The following ZNF385D variants were observed in gnomAD, a reference collection of about 807,000 sequenced individuals.
ZNF385D encodes zinc finger protein 659.
In ZNF385D, 15 loss-of-function variants were observed where a neutral mutation model predicts 35.8. That is an observed-to-expected ratio of 0.42 (90% CI 0.28 to 0.64). The LOEUF is 0.64. Ranked by LOEUF, ZNF385D falls within the 30% of genes least tolerant of loss-of-function variation. The pLI is 0.23. For missense variants in ZNF385D, 474 were observed against 494.6 expected (o/e 0.96, Z 0.39); for synonymous variants, 212 against 186.8 (o/e 1.13, Z -1.10).
At chr3:21,531,649 A>G (rs1230086982) in intron 3 of ZNF385D, among the ~76,000 whole-genome samples, 2 of 152,212 alleles carry the variant, frequency 1.3e-5, no homozygotes, top group East Asian at 3.9e-4. Flanking sequence ...CAATCTGAGA[A>G]AGCTACATAC....
intron 3 of ZNF385D, among the ~76,000 whole-genome samples, chr3:21,883,123 T>A (rs1698363215): frequency 6.6e-6 from 1 of 151,908 alleles, no homozygotes; most frequent in Non-Finnish European, 1.5e-5. Context: ...ATGGGTTAGT[T>A]TGTATGCAGA....
intron 4 of ZNF385D, among the ~76,000 whole-genome samples, chr3:21,448,133 T>G (rs1168479385): frequency 6.6e-6 from 1 of 152,132 alleles, no homozygotes; most frequent in Non-Finnish European, 1.5e-5. Flanking sequence ...CACAACACAT[T>G]GCTCAGACAT....
intron 3 of ZNF385D, among the ~76,000 whole-genome samples, chr3:22,022,716 G>A (rs777282279): frequency 7.9e-5 from 12 of 151,804 alleles, no homozygotes; most frequent in Non-Finnish European, 1.6e-4. Flanking sequence ...TTCAAAGAAC[G>A]AACAAGGAAT....
At chr3:22,264,143 A>C (rs1322742251) in intron 2 of ZNF385D, among the ~76,000 whole-genome samples, 1 of 152,036 alleles carries the variant, frequency 6.6e-6, no homozygotes, top group African/African-American at 2.4e-5. Context: ...ACCATTATCC[A>C]AACTGTGAGG....
chr3:21,702,444 C>G (rs1010190894), intron 1 of ZNF385D, among the ~76,000 whole-genome samples: 2 of 152,196 alleles, frequency 1.3e-5, no homozygotes, highest in Non-Finnish European at 2.9e-5. Context: ...CCTCCTGGGC[C>G]TCCAGGCCTG....
intron 2 of ZNF385D, among the ~76,000 whole-genome samples, chr3:22,316,249 C>G (rs764509993): frequency 6.6e-6 from 1 of 152,150 alleles, no homozygotes; most frequent in African/African-American, 2.4e-5. Flanking sequence ...AAAACCCCAG[C>G]CTTTAGTTCT....
intron 2 of ZNF385D, among the ~76,000 whole-genome samples, chr3:22,323,884 C>A (rs965798757): frequency 6.6e-6 from 1 of 152,150 alleles, no homozygotes; most frequent in African/African-American, 2.4e-5. Context: ...ATAACTAATA[C>A]TTGGTAAAGC....
chr3:22,256,098 C>G (rs1700300017), intron 2 of ZNF385D, among the ~76,000 whole-genome samples: 1 of 151,560 alleles, frequency 6.6e-6, no homozygotes, highest in Non-Finnish European at 1.5e-5. Flanking sequence ...TGCTTCCTGC[C>G]CTCCAATGTC....
chr3:21,866,791 T>C (rs1196674666), intron 3 of ZNF385D, among the ~76,000 whole-genome samples: 1 of 152,182 alleles, frequency 6.6e-6, no homozygotes, highest in African/African-American at 2.4e-5. Flanking sequence ...CTTTTATCAA[T>C]ATATTCTTTA....
chr3:21,825,026 A>G (rs1051458671), intron 3 of ZNF385D, among the ~76,000 whole-genome samples: 1 of 152,224 alleles, frequency 6.6e-6, no homozygotes, highest in Non-Finnish European at 1.5e-5. Context: ...AAACTCCCAT[A>G]TCATTTAAAT....
intron 4 of ZNF385D, among the ~76,000 whole-genome samples, chr3:21,461,011 T>C (rs1267179352): frequency 6.6e-6 from 1 of 152,156 alleles, no homozygotes; most frequent in Non-Finnish European, 1.5e-5. Context: ...TTTTGACTCT[T>C]TTTAAAATGT....
intron 1 of ZNF385D, among the ~76,000 whole-genome samples, chr3:21,733,243 A>G (rs1350720643): frequency 2.6e-5 from 4 of 151,940 alleles, no homozygotes; most frequent in African/African-American, 9.7e-5. Flanking sequence ...CTATTGACCT[A>G]TTGTTTATTC....
intron 3 of ZNF385D, among the ~76,000 whole-genome samples, chr3:21,996,604 T>C (rs1403840247): frequency 6.6e-6 from 1 of 152,244 alleles, no homozygotes. Flanking sequence ...GTCACACATT[T>C]ATTTCTCACA....
chr3:21,666,604 T>C (rs2066415729), intron 1 of ZNF385D, among the ~76,000 whole-genome samples: 1 of 152,172 alleles, frequency 6.6e-6, no homozygotes, highest in South Asian at 2.1e-4. Flanking sequence ...ACACACACTA[T>C]AAACTTAGTT....
chr3:22,328,159 CT>C (rs1694764432), intron 2 of ZNF385D, among the ~76,000 whole-genome samples: 1 of 152,032 alleles, frequency 6.6e-6, no homozygotes, highest in South Asian at 2.1e-4. Flanking sequence ...TCCATTTGCA[CT>C]TTTTTTCCTT....
chr3:22,134,592 G>C (rs1231858234), intron 3 of ZNF385D, among the ~76,000 whole-genome samples: 2 of 152,126 alleles, frequency 1.3e-5, no homozygotes, highest in African/African-American at 2.4e-5. Flanking sequence ...TTTACTAAAA[G>C]AGGCCATACC....
intron 5 of ZNF385D, among the ~76,000 whole-genome samples, chr3:21,431,290 A>T (rs190157298): frequency 2.0e-3 from 302 of 152,300 alleles, no homozygotes; most frequent in Non-Finnish European, 2.9e-3. Flanking sequence ...GAAGTCACCA[A>T]ATGTGAAATT....
chr3:21,421,502 A>T, intron 7 of ZNF385D, 55 bp from the exon 8 acceptor site: 2 of 1,350,024 alleles, frequency 1.5e-6, no homozygotes, highest in Non-Finnish European at 2.1e-6. Context: ...ATTTGTACTT[A>T]AAACCCAAAA....
intron 3 of ZNF385D, among the ~76,000 whole-genome samples, chr3:22,136,280 C>T (rs576470086): frequency 3.3e-5 from 5 of 152,018 alleles, no homozygotes; most frequent in Non-Finnish European, 2.9e-5. Flanking sequence ...CCCAGCTACT[C>T]GGGAGGCTGA....
Sources: gnomAD v4.1 joint callset for allele counts (sites outside exome capture counted in the v4.1 genomes callset) on GRCh38, gnomAD v4.1.1 for gene constraint, MANE v1.5 for transcripts, NCBI Gene and HGNC (gene_info 2026-07-23, HGNC 2026-07-21) for gene names.